RAB3IL1: variants seen among roughly 807,000 people sequenced by gnomAD.
RAB3IL1 encodes guanine nucleotide exchange factor for Rab-3A.
RAB3IL1 carries 37 observed loss-of-function variants against 49.2 expected under a neutral mutation model. The observed-to-expected ratio is 0.75, with a 90% CI of 0.58 to 0.99. The LOEUF (loss-of-function observed/expected upper bound fraction) is 0.99. RAB3IL1 is among the 50% of genes least tolerant of loss of function. The pLI is 0.00. For synonymous variants in RAB3IL1, 193 were observed against 213.9 expected (o/e 0.90, Z 0.85); for missense variants, 484 against 513.0 (o/e 0.94, Z 0.55).
Position 61,908,068 on chromosome 11 carries a change from G to C in RAB3IL1, c.250C>G (p.His84Asp). 1.2e-6 allele frequency: 2 copies of C among 1,611,246 alleles called. No homozygotes were observed. Among genetic ancestry groups the C allele is most frequent in the Non-Finnish European group, 1.7e-6 (2 of 1,179,186 alleles). The change falls in exon 2 of 10, where the codon CAC (histidine) becomes GAC (aspartate). Residue 84 changes from histidine to aspartate, a missense_variant. By Grantham distance (81) the His-to-Asp change is moderately conservative. Transcript: ENST00000394836. The part of the protein sequence containing the change: ...KGSEFLKEEL[H>D]RAQKELKLKD... ...CAGGCACCCACCTTCTGCGCTCTGTGCAGCTCCTCCTTCAGGAACTCGGAG... is the reference window on the plus strand; with the variant it reads ...CAGGCACCCACCTTCTGCGCTCTGTCCAGCTCCTCCTTCAGGAACTCGGAG...
rs374088156 is a variant in RAB3IL1 at position 61,908,190 on chromosome 11, G to A, written c.128C>T (p.Ser43Phe). 1.2e-5 allele frequency: 19 copies of A among 1,551,564 alleles called. No homozygotes were observed. The African/African-American group carries it at 1.5e-4, about 12-fold the overall frequency. The change falls in exon 2 of 10, where the codon TCT becomes TTT. Residue 43 changes from serine to phenylalanine, a missense_variant. Coordinates refer to ENST00000394836, the MANE Select transcript of RAB3IL1 (RefSeq NM_013401.4). ...RESPGALVETSAGEEAQGQEG... is the reference protein window; with the variant it reads ...RESPGALVETFAGEEAQGQEG... ...CTGGCCTTGGGCCTCCTCCCCTGCA[G>A]AGGTCTCCACCAGGGCTCCTGGGGA...
At chr11:61,939,957 C>CAAA in the RAB3IL1 span, among the ~76,000 whole-genome samples, 6 of 121,936 alleles carry the variant, frequency 4.9e-5, no homozygotes, top group Non-Finnish European at 1.0e-4. Flanking sequence ...GACTCTGTCT[C>CAAA]AAAAAAAAAA....
At chr11:61,945,829 C>T in the RAB3IL1 span, 1 of 985,116 alleles carries the variant, frequency 1.0e-6, no homozygotes, top group Non-Finnish European at 1.2e-6. Context: ...AGTGGATCCT[C>T]TTGCCTTGTG....
At chr11:61,945,674 G>T in the RAB3IL1 span, 1 of 814,644 alleles carries the variant, frequency 1.2e-6, no homozygotes, top group African/African-American at 1.9e-5. Flanking sequence ...GGAGAAGCCT[G>T]ACCCATGATG....
At chr11:61,909,036 A>C (rs1939344305) in intron 1 of RAB3IL1, among the ~76,000 whole-genome samples, 1 of 152,000 alleles carries the variant, frequency 6.6e-6, no homozygotes, top group South Asian at 2.1e-4. Flanking sequence ...GCCCCCACCC[A>C]CACTCTCCAC....
Position 61,902,515 on chromosome 11 carries a change from C to G in RAB3IL1, c.926G>C (p.Arg309Pro), listed in dbSNP as rs756048663. 6.2e-7 allele frequency: 1 copy of G among 1,601,854 alleles called. No individual in the cohort carries two copies. The highest frequency in any genetic ancestry group is 8.5e-7 in the Non-Finnish European group (1 of 1,176,058). Residue 309 changes from arginine to proline, a missense_variant, in exon 8 of 10, where the codon CGC (arginine) becomes CCC (proline). By Grantham distance (103) the Arg-to-Pro change is moderately radical. Transcript: ENST00000394836. ...GAGCCGGATTCGGTGGCGGCAGGTGCGGGTCAGCCCGCTCAGGGCACATGT... is the reference window on the plus strand; with the variant it reads ...GAGCCGGATTCGGTGGCGGCAGGTGGGGGTCAGCCCGCTCAGGGCACATGT... ...TNTCALSGLT[R>P]TCRHRIRLGD...
the RAB3IL1 span, among the ~76,000 whole-genome samples, chr11:61,929,066 G>A: frequency 6.6e-6 from 1 of 152,102 alleles, no homozygotes; most frequent in South Asian, 2.1e-4. Context: ...TATTTGTGGG[G>A]TATATGTGAC....
At chr11:61,899,640 A>C in intron 8 of RAB3IL1, 14 of 433,858 alleles carry the variant, frequency 3.2e-5, no homozygotes, top group East Asian at 7.9e-5. Context: ...TCCATCTTAC[A>C]TGGGGGAAAG....
intron 1 of RAB3IL1, among the ~76,000 whole-genome samples, chr11:61,913,314 G>A (rs1939541542): frequency 1.3e-5 from 2 of 152,160 alleles, no homozygotes; most frequent in Non-Finnish European, 1.5e-5. Flanking sequence ...AAGTCAAGGA[G>A]GGGACAAAGG....
At chr11:61,935,278 G>T in the RAB3IL1 span, among the ~76,000 whole-genome samples, 7 of 151,848 alleles carry the variant, frequency 4.6e-5, no homozygotes, top group Non-Finnish European at 7.4e-5. Context: ...AAATTAGCTG[G>T]GTGTGGTGGC....
At chr11:61,921,931 G>A (rs1565371220), upstream of RAB3IL1, among the ~76,000 whole-genome samples, 1 of 152,246 alleles carries the variant, frequency 6.6e-6, no homozygotes, top group East Asian at 1.9e-4. Flanking sequence ...GCTCATGCCT[G>A]TAATCCCAGC....
chr11:61,944,278 T>TCTTCCTTCCTTC, the RAB3IL1 span, among the ~76,000 whole-genome samples: 1 of 24,402 alleles, frequency 4.1e-5, no homozygotes. Flanking sequence ...TTCCCTCCTT[T>TCTTCCTTCCTTC]GTTGAGACAG....
intron 1 of RAB3IL1, among the ~76,000 whole-genome samples, chr11:61,912,987 G>A (rs553287625): frequency 3.2e-4 from 49 of 152,242 alleles, no homozygotes; most frequent in African/African-American, 1.1e-3. Context: ...TGAGAACAGC[G>A]GTACCCATGC....
upstream of RAB3IL1, chr11:61,920,055 G>A: frequency 1.6e-6 from 2 of 1,271,358 alleles, no homozygotes; most frequent in East Asian, 6.0e-5. Flanking sequence ...CTGTGCCCCA[G>A]GGCTCTTCTC....
chr11:61,934,576 G>C, the RAB3IL1 span, among the ~76,000 whole-genome samples: 1 of 148,950 alleles, frequency 6.7e-6, no homozygotes, highest in African/African-American at 2.5e-5. Flanking sequence ...GCTTTGAAAA[G>C]CTCCTACATA....
the RAB3IL1 span, among the ~76,000 whole-genome samples, chr11:61,939,405 A>T: frequency 6.6e-6 from 1 of 152,144 alleles, no homozygotes; most frequent in Non-Finnish European, 1.5e-5. Flanking sequence ...AGCTGTAAAA[A>T]CCTACATCAA....
chr11:61,929,414 A>G, the RAB3IL1 span, among the ~76,000 whole-genome samples: 1 of 150,066 alleles, frequency 6.7e-6, no homozygotes, highest in African/African-American at 2.4e-5. Flanking sequence ...CTGAGACACA[A>G]GAATCGATTC....
intron 5 of RAB3IL1, 135 bp from the exon 6 acceptor site, chr11:61,905,017 C>T (rs575703372): frequency 5.9e-6 from 4 of 672,574 alleles, no homozygotes; most frequent in African/African-American, 3.6e-5. Flanking sequence ...CCCCAGCAGC[C>T]GTGCAGGGAA....
In RAB3IL1 at chr11:61,914,887, T is replaced by G. The variant is rs11824666; in HGVS notation, c.11+2470A>C. Reference sequence around the variant, plus strand: ...GGATCAACAGTCCCAAATATACACCTGCCAGAGCTGTCATCAGACTTGGTC... The same window carrying G: ...GGATCAACAGTCCCAAATATACACCGGCCAGAGCTGTCATCAGACTTGGTC... On this transcript the variant is annotated intron_variant, in intron 1 of 9. Coordinates refer to ENST00000394836, the MANE Select transcript of RAB3IL1 (RefSeq NM_013401.4). 9.4e-3 allele frequency among the ~76,000 whole-genome samples: 1,437 copies of G among 152,270 alleles called. 20 individuals carry two copies. The highest frequency in any genetic ancestry group is 0.032 in the African/African-American group (1,337 of 41,530).
Sources: allele counts gnomAD v4.1 joint callset (sites outside exome capture counted in the v4.1 genomes callset), GRCh38; gene constraint gnomAD v4.1.1; transcripts MANE v1.5; gene names NCBI Gene and HGNC (gene_info 2026-07-23, HGNC 2026-07-21).